Variants in LIMCH1 observed in about 807,000 individuals in gnomAD.
LIMCH1 encodes LIM and calponin homology domains-containing protein 1.
In LIMCH1, 113 loss-of-function variants were observed where a neutral mutation model predicts 176.5. The observed-to-expected ratio is 0.64, with a 90% CI of 0.55 to 0.75. LIMCH1 has a LOEUF of 0.75. LIMCH1 is among the 30% of genes least tolerant of loss of function. LIMCH1 has a pLI of 0.00. For missense variants in LIMCH1, 1,674 were observed against 1,814.9 expected, an observed-to-expected ratio of 0.92 and a Z score of 1.41; for synonymous variants, 619 against 645.9, an observed-to-expected ratio of 0.96 and a Z score of 0.63.
At chr4:41,583,661 T>C (rs1028723694) in intron 1 of LIMCH1, among the ~76,000 whole-genome samples, 3 of 152,206 alleles carry the variant, frequency 2.0e-5, no homozygotes, top group East Asian at 1.9e-4. Flanking sequence ...CACACCTTTT[T>C]TGAATTACAT....
rs2092487511 is a variant in LIMCH1, at chr4:41,620,554, G to A, written c.589G>A (p.Glu197Lys). 1.3e-6 allele frequency: 2 copies of A among 1,536,270 alleles called. No individual in the cohort carries two copies. Among genetic ancestry groups the A allele is most frequent in the Admixed American group, 2.0e-5 (1 of 50,982 alleles). ...TGAATTACCTGACGGCAGTGGTAAG[G>A]AGCACCCTTCTTCAGACGGGGCTGT... Reference protein sequence around the residue: ...GCELPDGSGKEHPSSDGAVVA... With the variant: ...GCELPDGSGKKHPSSDGAVVA... The change falls in exon 7 of 32, where the codon GAG (glutamate) becomes AAG (lysine). Residue 197 changes from glutamate (E) to lysine (K), a missense_variant. Glu to Lys is a moderately conservative substitution (Grantham distance 56). Around this residue, in one of 3 missense-constraint regions of LIMCH1, gnomAD observed 655 missense variants for 692.2 expected, o/e 0.95. Transcript: ENST00000503057.
chr4:41,641,550 A>C (rs1179093348), intron 14 of LIMCH1, among the ~76,000 whole-genome samples: 1 of 152,212 alleles, frequency 6.6e-6, no homozygotes. Context: ...CAGATTTTGA[A>C]CTTTTTTAGA....
In LIMCH1 at chr4:41,379,438, C is replaced by T. The variant is rs79924244; in HGVS notation, c.96+18502C>T. On this transcript the variant is annotated intron_variant, in intron 1 of 26. Transcript: ENST00000313860. ...TGGTAGGACCTGGCTTCAGACTTCA[C>T]ATGTCACCATATCTGCCAACTTATC... Among the ~76,000 whole-genome samples the T allele has an allele frequency of 7.4e-3, 1,130 of 152,278 alleles. 20 individuals are homozygous for T. Among genetic ancestry groups the T allele is most frequent in the African/African-American group, 0.026 (1,063 of 41,548 alleles).
chr4:41,691,768 A>G (rs1726092004), intron 30 of LIMCH1, among the ~76,000 whole-genome samples: 1 of 152,172 alleles, frequency 6.6e-6, no homozygotes, highest in South Asian at 2.1e-4. Context: ...GTCTTAAAAA[A>G]TAAATAAAAT....
chr4:41,503,975 C>T (rs964716600), intron 2 of LIMCH1, among the ~76,000 whole-genome samples: 5 of 152,214 alleles, frequency 3.3e-5, no homozygotes, highest in African/African-American at 1.2e-4. Context: ...AGAGAGACCT[C>T]TCTCCCAATG....
chr4:41,658,461 A>C (rs921898066), intron 18 of LIMCH1, among the ~76,000 whole-genome samples: 1 of 152,224 alleles, frequency 6.6e-6, no homozygotes, highest in Non-Finnish European at 1.5e-5. Flanking sequence ...AGCATACATA[A>C]GTGGTAAAAC....
intron 1 of LIMCH1, among the ~76,000 whole-genome samples, chr4:41,539,844 C>A (rs2078393394): frequency 6.6e-6 from 1 of 152,176 alleles, no homozygotes; most frequent in East Asian, 1.9e-4. Flanking sequence ...TAACAAATGG[C>A]AATTAGGAAA....
intron 1 of LIMCH1, among the ~76,000 whole-genome samples, chr4:41,435,716 A>G (rs2062015458): frequency 1.3e-5 from 2 of 152,198 alleles, no homozygotes; most frequent in African/African-American, 4.8e-5. Context: ...AACTTTGCCC[A>G]GGTTGAATGG....
At chr4:41,671,866 C>T (rs1585685960) in intron 22 of LIMCH1, among the ~76,000 whole-genome samples, 1 of 99,524 alleles carries the variant, frequency 1.0e-5, no homozygotes, top group Non-Finnish European at 1.8e-5. Flanking sequence ...GTCTGGGTGA[C>T]AGAGCGAGAC....
intron 1 of LIMCH1, among the ~76,000 whole-genome samples, chr4:41,446,714 T>C (rs1012570142): frequency 6.6e-6 from 1 of 152,188 alleles, no homozygotes; most frequent in African/African-American, 2.4e-5. Flanking sequence ...ATAAATCCAA[T>C]TGGTAACACA....
chr4:41,558,916 A>T (rs2081673598), intron 1 of LIMCH1, among the ~76,000 whole-genome samples: 1 of 152,160 alleles, frequency 6.6e-6, no homozygotes, highest in Admixed American at 6.5e-5. Context: ...CTCAGCAGAC[A>T]TGTCTTCACC....
At chr4:41,401,239 C>T (rs372922791) in intron 1 of LIMCH1, among the ~76,000 whole-genome samples, 1 of 152,108 alleles carries the variant, frequency 6.6e-6, no homozygotes. Context: ...CAGTTTCAGC[C>T]TTCTACATAT....
intron 21 of LIMCH1, among the ~76,000 whole-genome samples, chr4:41,668,257 G>C (rs1038311984): frequency 6.6e-6 from 1 of 152,194 alleles, no homozygotes; most frequent in Non-Finnish European, 1.5e-5. Flanking sequence ...TACATGTGCT[G>C]ATGGATACTA....
At chr4:41,552,909 A>G (rs1223413623) in intron 1 of LIMCH1, among the ~76,000 whole-genome samples, 2 of 152,314 alleles carry the variant, frequency 1.3e-5, no homozygotes, top group Admixed American at 6.5e-5. Flanking sequence ...CTCCTTAGGA[A>G]TTTTAATTAT....
chr4:41,644,415 C>A, intron 14 of LIMCH1, 85 bp from the exon 15 acceptor site: 1 of 1,397,958 alleles, frequency 7.2e-7, no homozygotes, highest in Non-Finnish European at 9.4e-7. Flanking sequence ...CCGGTAGCGC[C>A]CCCACGCGGC....
At chr4:41,674,936 A>G (rs1372296060) in intron 22 of LIMCH1, among the ~76,000 whole-genome samples, 1 of 152,090 alleles carries the variant, frequency 6.6e-6, no homozygotes, top group African/African-American at 2.4e-5. Flanking sequence ...CAATTAAATG[A>G]TTTTCCCCCT....
chr4:41,595,123 C>T (rs924670902), intron 1 of LIMCH1, among the ~76,000 whole-genome samples: 1 of 152,034 alleles, frequency 6.6e-6, no homozygotes, highest in Non-Finnish European at 1.5e-5. Context: ...GAGTGGTGCA[C>T]GTGTTTTTGA....
intron 7 of LIMCH1, among the ~76,000 whole-genome samples, chr4:41,624,873 C>G (rs535560092): frequency 3.9e-5 from 6 of 152,278 alleles, no homozygotes; most frequent in Admixed American, 1.3e-4. Flanking sequence ...AGTCCGTAAT[C>G]CCTCCTACCA....
At chr4:41,368,959 G>T (rs2053538887) in intron 1 of LIMCH1, among the ~76,000 whole-genome samples, 1 of 152,218 alleles carries the variant, frequency 6.6e-6, no homozygotes, top group African/African-American at 2.4e-5. Flanking sequence ...GGGGCTGCGG[G>T]AAACCTGCTT....
Sources: gnomAD v4.1 joint callset for allele counts (sites outside exome capture counted in the v4.1 genomes callset) on GRCh38, gnomAD v4.1.1 for gene constraint, gnomAD v4.1.1 regional missense constraint, MANE v1.5 for transcripts, NCBI Gene and HGNC (gene_info 2026-07-23, HGNC 2026-07-21) for gene names.